Variants in KCNAB1 observed in about 807,000 individuals in gnomAD.
KCNAB1 encodes potassium voltage-gated channel subfamily A regulatory beta subunit 1, also known as voltage-gated potassium channel subunit beta-1.
In KCNAB1, 35 loss-of-function variants were observed where a neutral mutation model predicts 64.6. The observed-to-expected ratio is 0.54, with a 90% confidence interval of 0.41 to 0.72. KCNAB1 has a LOEUF of 0.72. Among genes scored for constraint, KCNAB1 ranks in the 30% least tolerant of loss-of-function variants. KCNAB1 has a pLI of 0.00. For synonymous variants in KCNAB1, 177 were observed against 183.8 expected, an observed-to-expected ratio of 0.96 and a Z score of 0.30; for missense variants, 401 against 512.9, an observed-to-expected ratio of 0.78 and a Z score of 2.11.
At chr3:156,196,751 G>A (rs1351261751) in intron 1 of KCNAB1, among the ~76,000 whole-genome samples, 2 of 152,154 alleles carry the variant, frequency 1.3e-5, no homozygotes, top group African/African-American at 4.8e-5. Flanking sequence ...CATGTCATCT[G>A]CAAACAGAGA....
intron 1 of KCNAB1, among the ~76,000 whole-genome samples, chr3:156,387,014 C>CTCTCTTTTTTTTTTTTTTTTTT (rs60888308): frequency 2.2e-5 from 2 of 90,520 alleles, no homozygotes; most frequent in African/African-American, 1.1e-4. Flanking sequence ...TTCTCTCTCT[C>CTCTCTTTTTTTTTTTTTTTTTT]TTTTTTTTTT....
chr3:156,360,254 C>A (rs887983703), intron 1 of KCNAB1, among the ~76,000 whole-genome samples: 2 of 152,228 alleles, frequency 1.3e-5, no homozygotes, highest in African/African-American at 2.4e-5. Flanking sequence ...TAGATACGTA[C>A]ATCCAGCTGC....
intron 2 of KCNAB1, among the ~76,000 whole-genome samples, chr3:156,430,873 C>T (rs16826108): frequency 0.22 from 33,268 of 152,034 alleles, 4,274 homozygotes; most frequent in African/African-American, 0.36. Context: ...TGATTAGGTT[C>T]GGCATGACTC....
At chr3:156,209,235 G>C (rs973289846) in intron 1 of KCNAB1, among the ~76,000 whole-genome samples, 1 of 152,192 alleles carries the variant, frequency 6.6e-6, no homozygotes, top group Non-Finnish European at 1.5e-5. Context: ...TGGAAGGGAC[G>C]TGGGAGTTGA....
intron 1 of KCNAB1, among the ~76,000 whole-genome samples, chr3:156,249,475 G>A (rs529663641): frequency 6.6e-6 from 1 of 151,722 alleles, no homozygotes; most frequent in Non-Finnish European, 1.5e-5. Flanking sequence ...GGGAGGCTGA[G>A]GTAGGAGAAT....
chr3:156,232,900 AT>A (rs1244834707), intron 1 of KCNAB1, among the ~76,000 whole-genome samples: 7 of 151,280 alleles, frequency 4.6e-5, no homozygotes, highest in Non-Finnish European at 8.8e-5. Context: ...GTTTTCTTTC[AT>A]TTTTTTTCGC....
At chr3:156,183,175 C>CGACAAG (rs1712980123) in intron 1 of KCNAB1, among the ~76,000 whole-genome samples, 2 of 151,846 alleles carry the variant, frequency 1.3e-5, no homozygotes, top group South Asian at 4.2e-4. Context: ...GGAGCGCCCA[C>CGACAAG]GACAAGGGGT....
intron 7 of KCNAB1, among the ~76,000 whole-genome samples, chr3:156,470,107 T>A (rs954523): frequency 0.55 from 83,191 of 152,062 alleles, 23,671 homozygotes; most frequent in African/African-American, 0.7. Flanking sequence ...TGATTTGTGC[T>A]TAATGTAGGT....
intron 1 of KCNAB1, among the ~76,000 whole-genome samples, chr3:156,357,226 GA>G (rs1725315377): frequency 6.6e-6 from 1 of 151,656 alleles, no homozygotes; most frequent in African/African-American, 2.4e-5. Flanking sequence ...AGACTGGATA[GA>G]TGTCTGGTGC....
chr3:156,470,873 C>A (rs567628056), intron 7 of KCNAB1, among the ~76,000 whole-genome samples: 2 of 152,112 alleles, frequency 1.3e-5, no homozygotes, highest in African/African-American at 4.8e-5. Flanking sequence ...CAGTGTACTA[C>A]GTTCATGTAA....
At chr3:156,503,876 C>T (rs1220495821) in intron 8 of KCNAB1, among the ~76,000 whole-genome samples, 1 of 152,174 alleles carries the variant, frequency 6.6e-6, no homozygotes, top group Non-Finnish European at 1.5e-5. Flanking sequence ...ACATATCCAT[C>T]ACCTCAAACA....
At chr3:156,522,925 TCTTA>T (rs1236962915) in intron 11 of KCNAB1, among the ~76,000 whole-genome samples, 1 of 152,204 alleles carries the variant, frequency 6.6e-6, no homozygotes, top group Non-Finnish European at 1.5e-5. Flanking sequence ...AGACTAACAC[TCTTA>T]CAAATACTCT....
At chr3:156,150,933 A>G (rs1160280269) in intron 1 of KCNAB1, among the ~76,000 whole-genome samples, 1 of 152,166 alleles carries the variant, frequency 6.6e-6, no homozygotes, top group African/African-American at 2.4e-5. Flanking sequence ...CAAATTTTCT[A>G]TGTCTGGGAG....
chr3:156,441,303 T>A (rs1267872430), intron 2 of KCNAB1: 3 of 152,090 alleles, frequency 2.0e-5, no homozygotes, highest in Non-Finnish European at 4.4e-5. Context: ...AAAAAATATA[T>A]CCCTGCACAA....
chr3:156,388,710 C>T (rs1422719653), intron 1 of KCNAB1, among the ~76,000 whole-genome samples: 4 of 152,190 alleles, frequency 2.6e-5, no homozygotes, highest in Non-Finnish European at 4.4e-5. Flanking sequence ...CAACAGAAAA[C>T]GCAAGAGCAT....
intron 2 of KCNAB1, among the ~76,000 whole-genome samples, chr3:156,445,213 T>C (rs1352177258): frequency 1.3e-5 from 2 of 152,138 alleles, no homozygotes; most frequent in Admixed American, 6.5e-5. Context: ...GGAGAATTGC[T>C]TGAACCTGGG....
chr3:156,131,711 G>A (rs1247099891), intron 1 of KCNAB1, among the ~76,000 whole-genome samples: 1 of 152,220 alleles, frequency 6.6e-6, no homozygotes, highest in African/African-American at 2.4e-5. Context: ...AGGAGTTTGA[G>A]ACCAGCCTGG....
At chr3:156,174,696 A>T (rs147270194) in intron 1 of KCNAB1, among the ~76,000 whole-genome samples, 1 of 152,244 alleles carries the variant, frequency 6.6e-6, no homozygotes, top group African/African-American at 2.4e-5. Context: ...GAAGAGCTGG[A>T]GGGGCTGATA....
intron 1 of KCNAB1, among the ~76,000 whole-genome samples, chr3:156,226,836 G>A (rs913122486): frequency 2.6e-5 from 4 of 152,152 alleles, no homozygotes; most frequent in African/African-American, 4.8e-5. Context: ...TTATGTAAGC[G>A]ATAAGCACCA....
Sources: allele counts gnomAD v4.1 joint callset (sites outside exome capture counted in the v4.1 genomes callset), GRCh38; gene constraint gnomAD v4.1.1; transcripts MANE v1.5; gene names NCBI Gene and HGNC (gene_info 2026-07-23, HGNC 2026-07-21).